The following ANGPT2 variants were observed in gnomAD, a reference collection of about 807,000 sequenced individuals.
The protein encoded by ANGPT2 is angiopoietin-2.
In ANGPT2, 28 loss-of-function variants were observed where a neutral mutation model predicts 62.9. The ratio of observed to expected loss-of-function variants is 0.44; its 90% CI spans 0.33 to 0.61. The LOEUF (loss-of-function observed/expected upper bound fraction) is 0.61. ANGPT2 is among the 20% of genes least tolerant of loss of function. ANGPT2 has a pLI of 0.03. For missense variants in ANGPT2, 727 were observed against 594.9 expected (o/e 1.22, Z -2.31); for synonymous variants, 284 against 207.8 (o/e 1.37, Z -3.15).
At chr8:6,555,722 G>A (rs1184526751) in intron 1 of ANGPT2, among the ~76,000 whole-genome samples, 4 of 152,054 alleles carry the variant, frequency 2.6e-5, no homozygotes, top group Non-Finnish European at 5.9e-5. Flanking sequence ...TTCGGCCTCC[G>A]AAAGTGCTGC....
At chr8:6,519,842 T>G in intron 5 of ANGPT2, 22 bp downstream of exon 5, 1 of 1,612,332 alleles carries the variant, frequency 6.2e-7, no homozygotes, top group Non-Finnish European at 8.5e-7. Flanking sequence ...AGGGAGTTAG[T>G]AAGGGGAGAC....
chr8:6,520,833 TC>T (rs769453104), intron 4 of ANGPT2, among the ~76,000 whole-genome samples: 1 of 152,218 alleles, frequency 6.6e-6, no homozygotes, highest in Non-Finnish European at 1.5e-5. Context: ...TTAATGGCCA[TC>T]CCATGGGTCT....
chr8:6,508,810 T>G, intron 8 of ANGPT2, 122 bp downstream of exon 8: 1 of 1,339,984 alleles, frequency 7.5e-7, no homozygotes, highest in Non-Finnish European at 1.1e-6. Context: ...CAAGCTAGTG[T>G]GTCTACGTAT....
intron 1 of ANGPT2, among the ~76,000 whole-genome samples, chr8:6,562,206 G>C (rs1346278938): frequency 6.6e-6 from 1 of 152,192 alleles, no homozygotes; most frequent in Admixed American, 6.5e-5. Flanking sequence ...TCGGTCATCA[G>C]CATGGTTGTC....
chr8:6,523,556 A>C (rs1282563100), intron 3 of ANGPT2, among the ~76,000 whole-genome samples: 2 of 152,174 alleles, frequency 1.3e-5, no homozygotes, highest in Non-Finnish European at 2.9e-5. Flanking sequence ...ACTCAAAGAC[A>C]TGCACAGTCA....
rs1313824233 is a variant in ANGPT2, at chr8:6,499,715, C to G, written c.*3386G>C. ...ATGCAACATGAAGATTCTGAAGGGA[C>G]TTTGTTGTCTGAGAACACATCTATT... On this transcript the variant is annotated 3_prime_UTR_variant, in exon 9 of 9. Transcript: ENST00000629816. 1.4e-6 allele frequency: 1 copy of G among 733,740 alleles called. No individual in the cohort carries two copies. The highest frequency in any genetic ancestry group is 2.4e-6 in the Non-Finnish European group (1 of 410,292). The allele number at this position is 733,740 out of a possible 1,614,324, so 45.5% of individuals were successfully genotyped here.
At chr8:6,540,478 C>A (rs186141897) in intron 1 of ANGPT2, among the ~76,000 whole-genome samples, 1 of 152,320 alleles carries the variant, frequency 6.6e-6, no homozygotes, top group East Asian at 1.9e-4. Flanking sequence ...TTGTAGGGCA[C>A]ATGTATATTT....
At chr8:6,555,456 T>C (rs1320866776) in intron 1 of ANGPT2, among the ~76,000 whole-genome samples, 1 of 147,946 alleles carries the variant, frequency 6.8e-6, no homozygotes, top group Non-Finnish European at 1.5e-5. Flanking sequence ...TTACGGGGGG[T>C]GGTTTGCCCT....
intron 1 of ANGPT2, among the ~76,000 whole-genome samples, chr8:6,554,239 C>T (rs1375203978): frequency 6.6e-6 from 1 of 150,828 alleles, no homozygotes; most frequent in African/African-American, 2.4e-5. Context: ...GACAAATGCC[C>T]AGGTGGTCTG....
chr8:6,511,290 T>C (rs1586243809), intron 7 of ANGPT2, among the ~76,000 whole-genome samples: 1 of 63,134 alleles, frequency 1.6e-5, no homozygotes, highest in East Asian at 3.2e-4. Context: ...TATGGGTTGA[T>C]TTTTTTTTTT....
chr8:6,531,584 G>A (rs1394459101), intron 2 of ANGPT2, among the ~76,000 whole-genome samples: 3 of 152,116 alleles, frequency 2.0e-5, no homozygotes, highest in African/African-American at 2.4e-5. Flanking sequence ...GAGCTACTGC[G>A]CCTGGCCACT....
intron 8 of ANGPT2, among the ~76,000 whole-genome samples, chr8:6,505,842 C>G (rs1301211086): frequency 1.5e-5 from 2 of 136,654 alleles, no homozygotes; most frequent in Non-Finnish European, 3.1e-5. Context: ...CATGCATATT[C>G]TTTATATATG....
At chr8:6,517,062 T>C (rs996159095) in intron 5 of ANGPT2, among the ~76,000 whole-genome samples, 5 of 152,184 alleles carry the variant, frequency 3.3e-5, no homozygotes, top group Admixed American at 6.5e-5. Flanking sequence ...AATTGGACTA[T>C]AAAACTTGCA....
At position 6,503,106 on chromosome 8, in the gene ANGPT2, A is replaced by T; in HGVS notation, c.1483T>A (p.Phe495Ile). The change falls in exon 9 of 9, where the codon TTC becomes ATC. Residue 495 changes from phenylalanine (F) to isoleucine (I), a missense_variant. By Grantham distance (21) the Phe-to-Ile change is conservative. Transcript: ENST00000629816. ...CCTCAGGTGGACTGGGATGTTTAGA[A>T]ATCTGCTGGTCGGATCATCATGGTT... The part of the protein sequence containing the change: ...ATTMMIRPAD[F>I] 1.4e-5 allele frequency: 23 copies of T among 1,614,154 alleles called. No individual in the cohort carries two copies. The highest frequency in any genetic ancestry group is 1.9e-5 in the Non-Finnish European group (23 of 1,180,014).
chr8:6,515,016 A>G (rs1815975359), intron 5 of ANGPT2, among the ~76,000 whole-genome samples: 1 of 152,228 alleles, frequency 6.6e-6, no homozygotes, highest in South Asian at 2.1e-4. Flanking sequence ...AGTGTTGATG[A>G]GAATATGACT....
At chr8:6,515,874 G>T (rs922390608) in intron 5 of ANGPT2, among the ~76,000 whole-genome samples, 3 of 152,222 alleles carry the variant, frequency 2.0e-5, no homozygotes, top group African/African-American at 7.2e-5. Flanking sequence ...AAAGAGGAGA[G>T]CGAAAAGAGA....
chr8:6,562,940 C>T lies in ANGPT2; in HGVS notation c.-6G>A. ...AAGAAAACAATCTGCCACATTCTTT[C>T]TTCAGTAATAAACCAGCAGCTTAGC... On this transcript the variant is annotated 5_prime_UTR_variant, in exon 1 of 9. Transcript: ENST00000629816. 6.3e-7 allele frequency: 1 copy of T among 1,577,932 alleles called. No homozygotes were observed. The highest frequency in any genetic ancestry group is 8.7e-7 in the Non-Finnish European group (1 of 1,153,966).
chr8:6,562,194 C>T (rs1269194405), intron 1 of ANGPT2, among the ~76,000 whole-genome samples: 1 of 152,158 alleles, frequency 6.6e-6, no homozygotes, highest in Admixed American at 6.5e-5. Context: ...ATCCGTTATG[C>T]CTCGGTCATC....
chr8:6,524,611 G>T (rs1467355131), intron 3 of ANGPT2, among the ~76,000 whole-genome samples: 2 of 152,186 alleles, frequency 1.3e-5, no homozygotes, highest in Non-Finnish European at 2.9e-5. Flanking sequence ...TGTACGAGGT[G>T]TTTTTTAGGG....
Sources: allele counts gnomAD v4.1 joint callset (sites outside exome capture counted in the v4.1 genomes callset), GRCh38; gene constraint gnomAD v4.1.1; transcripts MANE v1.5; gene names NCBI Gene and HGNC (gene_info 2026-07-23, HGNC 2026-07-21).